Variants in CDH13 observed in about 807,000 individuals in gnomAD.
CDH13 encodes the protein cadherin-13.
In CDH13, 24 loss-of-function variants were observed where a neutral mutation model predicts 63.8. The observed-to-expected ratio is 0.38, with a 90% confidence interval of 0.27 to 0.53. The LOEUF is 0.53. Ranked by LOEUF, CDH13 falls within the 20% of genes least tolerant of loss-of-function variation. The pLI is 0.85. For synonymous variants in CDH13, 503 were observed against 355.3 expected (o/e 1.42, Z -4.67); for missense variants, 1,049 against 903.1 (o/e 1.16, Z -2.07).
chr16:83,424,230 T>C (rs1425602373), intron 6 of CDH13, among the ~76,000 whole-genome samples: 1 of 149,392 alleles, frequency 6.7e-6, no homozygotes, highest in African/African-American at 2.4e-5. Context: ...CTGAACAGTC[T>C]AGAAGAGGAA....
At chr16:82,813,084 A>G (rs1452032840) in intron 1 of CDH13, among the ~76,000 whole-genome samples, 34 of 152,188 alleles carry the variant, frequency 2.2e-4, no homozygotes, top group Admixed American at 2.2e-3. Flanking sequence ...ATCTTAGAGA[A>G]GAGCCTTTTC....
At chr16:82,630,203 C>G (rs1196116305) in intron 1 of CDH13, among the ~76,000 whole-genome samples, 2 of 152,140 alleles carry the variant, frequency 1.3e-5, no homozygotes, top group African/African-American at 4.8e-5. Flanking sequence ...GAAAAGGACA[C>G]AGGGTTGAAG....
At chr16:83,087,979 G>A (rs4595788) in intron 3 of CDH13, among the ~76,000 whole-genome samples, 79,552 of 151,994 alleles carry the variant, frequency 0.52, 21,188 homozygotes, top group Middle Eastern at 0.62. Flanking sequence ...GACTGCCTCC[G>A]TCAGTGTGCA....
At chr16:83,335,772 G>C (rs979635553) in intron 5 of CDH13, among the ~76,000 whole-genome samples, 1 of 152,092 alleles carries the variant, frequency 6.6e-6, no homozygotes, top group African/African-American at 2.4e-5. Context: ...GGTGCATGCA[G>C]ACCCCAGTCA....
At chr16:83,580,847 T>G (rs1463439567) in intron 7 of CDH13, among the ~76,000 whole-genome samples, 2 of 152,180 alleles carry the variant, frequency 1.3e-5, no homozygotes, top group East Asian at 3.9e-4. Context: ...TTATTAAAGT[T>G]TCCATGCTGT....
chr16:83,012,284 G>A (rs760831499), intron 2 of CDH13, among the ~76,000 whole-genome samples: 19 of 144,968 alleles, frequency 1.3e-4, no homozygotes, highest in Admixed American at 4.1e-4. Flanking sequence ...TTAGAGAGAT[G>A]TTAAAACAAT....
At chr16:83,369,955 C>G (rs955133294) in intron 6 of CDH13, among the ~76,000 whole-genome samples, 3 of 152,242 alleles carry the variant, frequency 2.0e-5, no homozygotes, top group Admixed American at 2.0e-4. Flanking sequence ...CTCCCATTCC[C>G]TGCAGCTGGT....
At chr16:82,786,444 T>G (rs1316615213) in intron 1 of CDH13, among the ~76,000 whole-genome samples, 7 of 151,146 alleles carry the variant, frequency 4.6e-5, no homozygotes, top group Admixed American at 2.0e-4. Flanking sequence ...AGTTTTTTTT[T>G]TTTTTTTTTT....
At chr16:82,661,620 A>G (rs191732292) in intron 1 of CDH13, among the ~76,000 whole-genome samples, 190 of 152,358 alleles carry the variant, frequency 1.2e-3, no homozygotes, top group South Asian at 7.9e-3. Context: ...CAACTCCAAA[A>G]GGATGGATGC....
At chr16:83,055,016 CAG>C (rs1457063034) in intron 3 of CDH13, among the ~76,000 whole-genome samples, 2 of 151,686 alleles carry the variant, frequency 1.3e-5, no homozygotes, top group African/African-American at 2.4e-5. Context: ...AAATTTAAAA[CAG>C]AAATTAATAA....
intron 7 of CDH13, among the ~76,000 whole-genome samples, chr16:83,542,338 C>T (rs2075309749): frequency 6.6e-6 from 1 of 152,174 alleles, no homozygotes. Flanking sequence ...ACTACTGCTC[C>T]ATCTCAGTAG....
chr16:83,606,804 C>T (rs1908380557), intron 8 of CDH13, among the ~76,000 whole-genome samples: 1 of 150,718 alleles, frequency 6.6e-6, no homozygotes, highest in Non-Finnish European at 1.5e-5. Flanking sequence ...CCCAGGTTCC[C>T]CTTAGCTTTC....
chr16:83,340,508 C>A (rs2090697815), intron 5 of CDH13, among the ~76,000 whole-genome samples: 2 of 152,138 alleles, frequency 1.3e-5, no homozygotes, highest in Admixed American at 6.6e-5. Context: ...GAATACAGTT[C>A]CCAAATTCCA....
At chr16:83,161,540 A>G (rs1031390405) in intron 4 of CDH13, among the ~76,000 whole-genome samples, 2 of 152,190 alleles carry the variant, frequency 1.3e-5, no homozygotes, top group African/African-American at 4.8e-5. Flanking sequence ...CAGTGCAAAT[A>G]CTAAATAAGC....
chr16:83,230,140 A>T (rs1308532033), intron 5 of CDH13, among the ~76,000 whole-genome samples: 1 of 152,132 alleles, frequency 6.6e-6, no homozygotes, highest in African/African-American at 2.4e-5. Flanking sequence ...GGCATTTCAC[A>T]ATTAGTCGTG....
intron 2 of CDH13, among the ~76,000 whole-genome samples, chr16:82,998,637 A>T (rs72792170): frequency 6.6e-6 from 1 of 152,038 alleles, no homozygotes; most frequent in African/African-American, 2.4e-5. Context: ...CTCTTGGGTC[A>T]TTCTCCTCTG....
chr16:83,299,908 G>C (rs945489540), intron 5 of CDH13, among the ~76,000 whole-genome samples: 1 of 152,192 alleles, frequency 6.6e-6, no homozygotes, highest in African/African-American at 2.4e-5. Context: ...TCACGATGCT[G>C]ACCAGGGCTA....
chr16:83,289,948 A>G (rs1004250278), intron 5 of CDH13, among the ~76,000 whole-genome samples: 3 of 152,170 alleles, frequency 2.0e-5, no homozygotes, highest in African/African-American at 7.2e-5. Context: ...AAGAAGCAGA[A>G]CAAGACTCTT....
intron 1 of CDH13, among the ~76,000 whole-genome samples, chr16:82,681,894 C>G (rs190155715): frequency 6.6e-6 from 1 of 152,188 alleles, no homozygotes; most frequent in Non-Finnish European, 1.5e-5. Context: ...CCCAGAGGCC[C>G]CAGCCCGGTT....
Sources: gnomAD v4.1 joint callset for allele counts (sites outside exome capture counted in the v4.1 genomes callset) on GRCh38, gnomAD v4.1.1 for gene constraint, MANE v1.5 for transcripts, NCBI Gene and HGNC (gene_info 2026-07-23, HGNC 2026-07-21) for gene names.